SCHIP1: variants seen among roughly 807,000 people sequenced by gnomAD.
The protein encoded by SCHIP1 is schwannomin-interacting protein 1.
In SCHIP1, 8 loss-of-function variants were observed where a neutral mutation model predicts 29.7. That is an observed-to-expected ratio of 0.27 (90% CI 0.16 to 0.49). SCHIP1 has a LOEUF of 0.49. Ranked by LOEUF, SCHIP1 falls within the 20% of genes least tolerant of loss-of-function variation. The pLI, the probability that SCHIP1 is intolerant of heterozygous loss-of-function variation, is 0.99. For synonymous variants in SCHIP1, 76 were observed against 94.9 expected, an observed-to-expected ratio of 0.80 and a Z score of 1.16; for missense variants, 193 against 294.6, an observed-to-expected ratio of 0.66 and a Z score of 2.52.
the SCHIP1 span, among the ~76,000 whole-genome samples, chr3:159,654,162 GCTTCCTCCAAGAGTAT>G: frequency 6.6e-6 from 1 of 152,050 alleles, no homozygotes; most frequent in African/African-American, 2.4e-5. Context: ...CCCTAGTCCA[GCTTCCTCCAAGAGTAT>G]CTTCCTCCAA....
At chr3:159,865,386 T>C (rs1216431241) in intron 1 of SCHIP1, among the ~76,000 whole-genome samples, 3 of 152,228 alleles carry the variant, frequency 2.0e-5, no homozygotes, top group African/African-American at 7.2e-5. Flanking sequence ...GGGCGTTTAA[T>C]GAGAAGCCAA....
chr3:159,877,758 C>T (rs540336126), intron 2 of SCHIP1, among the ~76,000 whole-genome samples: 2 of 152,226 alleles, frequency 1.3e-5, no homozygotes, highest in Admixed American at 6.5e-5. Flanking sequence ...ATTGCCTCAA[C>T]AGCTGAAACT....
chr3:159,318,398 A>G, the SCHIP1 span, among the ~76,000 whole-genome samples: 1 of 152,170 alleles, frequency 6.6e-6, no homozygotes, highest in Non-Finnish European at 1.5e-5. Flanking sequence ...CAGTAATATA[A>G]TCACACATCT....
intron 2 of SCHIP1, among the ~76,000 whole-genome samples, chr3:159,869,494 T>C (rs1191776045): frequency 2.0e-5 from 3 of 151,904 alleles, no homozygotes; most frequent in Non-Finnish European, 4.4e-5. Flanking sequence ...ACAATCCCTC[T>C]TTTACTCACT....
the SCHIP1 span, among the ~76,000 whole-genome samples, chr3:159,755,167 G>A: frequency 6.4e-4 from 98 of 152,220 alleles, no homozygotes; most frequent in African/African-American, 1.7e-3. Flanking sequence ...CCTGGGAGGC[G>A]GAGCTTGCAG....
the SCHIP1 span, among the ~76,000 whole-genome samples, chr3:159,389,986 T>C: frequency 1.3e-5 from 2 of 152,180 alleles, 1 homozygote; most frequent in Non-Finnish European, 2.9e-5. Flanking sequence ...AAACATAAAA[T>C]TTAATTGCTC....
the SCHIP1 span, among the ~76,000 whole-genome samples, chr3:159,349,199 A>G: frequency 4.7e-4 from 72 of 152,286 alleles, no homozygotes; most frequent in African/African-American, 1.5e-3. Flanking sequence ...AAATTTCCAG[A>G]AGCTCATTGA....
At chr3:159,832,693 G>A in the SCHIP1 span, among the ~76,000 whole-genome samples, 186 of 152,210 alleles carry the variant, frequency 1.2e-3, no homozygotes, top group African/African-American at 4.0e-3. Flanking sequence ...CTCTGTCAGC[G>A]TTCCCTCTCT....
chr3:159,573,601 C>T, the SCHIP1 span, among the ~76,000 whole-genome samples: 1 of 152,088 alleles, frequency 6.6e-6, no homozygotes, highest in Non-Finnish European at 1.5e-5. Flanking sequence ...GGTTGCTCTT[C>T]TCGAGGAATA....
upstream of SCHIP1, among the ~76,000 whole-genome samples, chr3:159,839,136 A>G (rs1365156632): frequency 6.6e-6 from 1 of 152,012 alleles, no homozygotes; most frequent in African/African-American, 2.4e-5. Context: ...GTATTGTCTG[A>G]CTTGTATTTC....
At chr3:159,665,573 T>TGTGTGTGTGTGTG in the SCHIP1 span, among the ~76,000 whole-genome samples, 1 of 151,720 alleles carries the variant, frequency 6.6e-6, no homozygotes, top group African/African-American at 2.4e-5. Flanking sequence ...TGTGTGTGTG[T>TGTGTGTGTGTGTG]TTAAGGCCAT....
the SCHIP1 span, among the ~76,000 whole-genome samples, chr3:159,742,919 T>G: frequency 6.9e-6 from 1 of 145,526 alleles, no homozygotes; most frequent in Non-Finnish European, 1.5e-5. Context: ...ACTCCTGACC[T>G]CAGGTGATCC....
At chr3:159,618,823 C>T in the SCHIP1 span, among the ~76,000 whole-genome samples, 5 of 152,348 alleles carry the variant, frequency 3.3e-5, no homozygotes, top group African/African-American at 1.2e-4. Context: ...ATGAGTCCTG[C>T]TTGAGATGGG....
At chr3:159,420,706 G>T in the SCHIP1 span, among the ~76,000 whole-genome samples, 1 of 152,186 alleles carries the variant, frequency 6.6e-6, no homozygotes, top group African/African-American at 2.4e-5. Flanking sequence ...CAACCACTCA[G>T]AAATGGAGAG....
chr3:159,782,296 A>G, the SCHIP1 span, among the ~76,000 whole-genome samples: 1 of 152,242 alleles, frequency 6.6e-6, no homozygotes, highest in Non-Finnish European at 1.5e-5. Context: ...GGGAAACTGA[A>G]GCTTATGGTG....
At chr3:159,634,409 CA>C in the SCHIP1 span, among the ~76,000 whole-genome samples, 1,089 of 152,264 alleles carry the variant, frequency 7.2e-3, 15 homozygotes, top group African/African-American at 0.025. Flanking sequence ...CAGATTTCAT[CA>C]AAATCTGTAA....
chr3:159,587,821 G>A, the SCHIP1 span, among the ~76,000 whole-genome samples: 1 of 152,116 alleles, frequency 6.6e-6, no homozygotes, highest in Admixed American at 6.5e-5. Flanking sequence ...TGGCTGCATA[G>A]TATTCCATGG....
chr3:159,393,210 T>A, the SCHIP1 span, among the ~76,000 whole-genome samples: 1 of 152,240 alleles, frequency 6.6e-6, no homozygotes, highest in East Asian at 1.9e-4. Context: ...ATTCTGGATA[T>A]TAGCCCTTTG....
the SCHIP1 span, among the ~76,000 whole-genome samples, chr3:159,424,417 A>T: frequency 1.3e-5 from 2 of 152,224 alleles, no homozygotes; most frequent in Non-Finnish European, 1.5e-5. Flanking sequence ...AGCTGATGTG[A>T]TCAACTGGAT....
Sources: gnomAD v4.1 joint callset for allele counts (sites outside exome capture counted in the v4.1 genomes callset) on GRCh38, gnomAD v4.1.1 for gene constraint, MANE v1.5 for transcripts, NCBI Gene and HGNC (gene_info 2026-07-23, HGNC 2026-07-21) for gene names.